Variants in L3MBTL4 observed in about 807,000 individuals in gnomAD.
The protein encoded by L3MBTL4 is lethal(3)malignant brain tumor-like protein 4.
Under a neutral mutation model 84.5 loss-of-function variants are expected in L3MBTL4, and 70 were observed. The observed-to-expected ratio is 0.83, with a 90% confidence interval of 0.68 to 1.01. The LOEUF is 1.01. Ranked by LOEUF, L3MBTL4 falls within the 50% of genes least tolerant of loss-of-function variation. L3MBTL4 has a pLI of 0.00. For synonymous variants in L3MBTL4, 274 were observed against 259.8 expected, an observed-to-expected ratio of 1.05 and a Z score of -0.52; for missense variants, 715 against 754.8, an observed-to-expected ratio of 0.95 and a Z score of 0.62.
chr18:5,998,443 C>G (rs1381062734), intron 16 of L3MBTL4, among the ~76,000 whole-genome samples: 2 of 152,128 alleles, frequency 1.3e-5, no homozygotes, highest in African/African-American at 4.8e-5. Context: ...TGAGGACAAC[C>G]TATTTTCCTG....
intron 1 of L3MBTL4, among the ~76,000 whole-genome samples, chr18:6,312,959 T>TAG (rs1474147778): frequency 3.9e-5 from 6 of 152,154 alleles, no homozygotes; most frequent in Non-Finnish European, 8.8e-5. Context: ...TTTTTCAACT[T>TAG]ATCTAATTTG....
intron 3 of L3MBTL4, among the ~76,000 whole-genome samples, chr18:6,306,318 T>C (rs1384986330): frequency 6.6e-6 from 1 of 152,202 alleles, no homozygotes; most frequent in Non-Finnish European, 1.5e-5. Flanking sequence ...ATGAAATACT[T>C]CCATTTTGTT....
intron 13 of L3MBTL4, among the ~76,000 whole-genome samples, chr18:6,156,963 T>C (rs934237393): frequency 1.3e-5 from 2 of 152,204 alleles, no homozygotes; most frequent in East Asian, 1.9e-4. Context: ...TAGAATCAAG[T>C]AAATGGATTC....
At chr18:5,975,059 T>C (rs780559343) in intron 16 of L3MBTL4, among the ~76,000 whole-genome samples, 2 of 152,118 alleles carry the variant, frequency 1.3e-5, no homozygotes, top group Admixed American at 6.6e-5. Context: ...AGGTCCCTGA[T>C]TTCTTCTCTG....
intron 16 of L3MBTL4, among the ~76,000 whole-genome samples, chr18:6,077,460 G>A (rs2057895032): frequency 6.6e-6 from 1 of 152,068 alleles, no homozygotes; most frequent in African/African-American, 2.4e-5. Flanking sequence ...ATTGAAAAAA[G>A]TGTGTTCAGT....
At chr18:6,028,011 C>T (rs780338640) in intron 16 of L3MBTL4, among the ~76,000 whole-genome samples, 11 of 152,240 alleles carry the variant, frequency 7.2e-5, no homozygotes, top group African/African-American at 2.4e-4. Context: ...ATGATAATTT[C>T]TTGCATTGTG....
At chr18:6,033,718 A>G (rs1458832591) in intron 16 of L3MBTL4, among the ~76,000 whole-genome samples, 1 of 152,154 alleles carries the variant, frequency 6.6e-6, no homozygotes, top group East Asian at 1.9e-4. Context: ...TGTATATTCT[A>G]TAGCTGTTTT....
chr18:6,221,786 A>AC (rs1249888307), intron 10 of L3MBTL4, among the ~76,000 whole-genome samples: 1 of 152,204 alleles, frequency 6.6e-6, no homozygotes, highest in African/African-American at 2.4e-5. Context: ...GAGGCCACTT[A>AC]TTCATTTGTT....
chr18:6,081,173 C>G (rs2058066758), intron 15 of L3MBTL4: 1 of 407,068 alleles, frequency 2.5e-6, no homozygotes, highest in African/African-American at 2.1e-5. Context: ...AAGGCCTTTC[C>G]CCCCTCATTC....
intron 13 of L3MBTL4, among the ~76,000 whole-genome samples, chr18:6,146,499 C>A (rs963636279): frequency 6.6e-6 from 1 of 152,236 alleles, no homozygotes; most frequent in Admixed American, 6.5e-5. Flanking sequence ...AACGGTTGAA[C>A]CTGCACCTGG....
At chr18:5,974,015 C>A in intron 16 of L3MBTL4, among the ~76,000 whole-genome samples, 1 of 152,178 alleles carries the variant, frequency 6.6e-6, no homozygotes, top group East Asian at 1.9e-4. Context: ...CCTCTAACAC[C>A]AATGTGACAA....
intron 16 of L3MBTL4, among the ~76,000 whole-genome samples, chr18:5,974,107 T>C (rs2052780638): frequency 2.0e-5 from 3 of 152,220 alleles, no homozygotes; most frequent in Non-Finnish European, 4.4e-5. Flanking sequence ...CAGTGGTTTG[T>C]CATTGGGGGA....
chr18:6,373,003 C>T (rs886647357), intron 1 of L3MBTL4, among the ~76,000 whole-genome samples: 4 of 152,004 alleles, frequency 2.6e-5, no homozygotes, highest in Non-Finnish European at 5.9e-5. Context: ...ACTATTTTTT[C>T]CTTTTTGAAA....
intron 12 of L3MBTL4, among the ~76,000 whole-genome samples, chr18:6,205,061 G>GT (rs2045813730): frequency 6.6e-6 from 1 of 152,098 alleles, no homozygotes; most frequent in Admixed American, 6.5e-5. Context: ...AATAGGTCCC[G>GT]TAACATGGCA....
At chr18:5,973,905 A>G (rs1259144780) in intron 16 of L3MBTL4, among the ~76,000 whole-genome samples, 1 of 152,218 alleles carries the variant, frequency 6.6e-6, no homozygotes, top group Non-Finnish European at 1.5e-5. Flanking sequence ...AAGGAAATTC[A>G]GCCTGCAAAA....
chr18:6,099,449 T>C (rs1054995515), intron 14 of L3MBTL4, among the ~76,000 whole-genome samples: 5 of 151,262 alleles, frequency 3.3e-5, no homozygotes, highest in Non-Finnish European at 4.4e-5. Context: ...TGTTGGGATA[T>C]GGACTGGGAA....
chr18:6,299,466 G>T (rs1025341907), intron 4 of L3MBTL4, among the ~76,000 whole-genome samples: 1 of 152,154 alleles, frequency 6.6e-6, no homozygotes. Flanking sequence ...TGCTAGATGT[G>T]GGTTCAAATT....
intron 1 of L3MBTL4, among the ~76,000 whole-genome samples, chr18:6,314,262 C>T (rs978914888): frequency 9.9e-5 from 15 of 152,278 alleles, no homozygotes; most frequent in African/African-American, 3.6e-4. Flanking sequence ...TGATATATGG[C>T]CTACTCCCAG....
intron 14 of L3MBTL4, among the ~76,000 whole-genome samples, chr18:6,098,980 A>T (rs1299774349): frequency 6.6e-6 from 1 of 152,154 alleles, no homozygotes; most frequent in African/African-American, 2.4e-5. Context: ...GGGCACTGAG[A>T]CTTGGCAGAG....
Sources: allele counts gnomAD v4.1 joint callset (sites outside exome capture counted in the v4.1 genomes callset), GRCh38; gene constraint gnomAD v4.1.1; transcripts MANE v1.5; gene names NCBI Gene and HGNC (gene_info 2026-07-23, HGNC 2026-07-21).